Variants in PPP1R1C observed in about 807,000 individuals in gnomAD.
PPP1R1C encodes protein phosphatase 1 regulatory subunit 1C.
PPP1R1C carries 15 observed loss-of-function variants against 17.4 expected under a neutral mutation model. That is an observed-to-expected ratio of 0.86 (90% confidence interval 0.58 to 1.33). PPP1R1C has a LOEUF of 1.33. Among genes scored for constraint, PPP1R1C ranks in the 40% most tolerant of loss-of-function variants. PPP1R1C has a pLI of 0.00. For missense variants in PPP1R1C, 143 were observed against 130.0 expected, an observed-to-expected ratio of 1.10 and a Z score of -0.48; for synonymous variants, 35 against 43.1, an observed-to-expected ratio of 0.81 and a Z score of 0.73.
chr2:182,090,708 T>G (rs2125220556), intron 4 of PPP1R1C, among the ~76,000 whole-genome samples: 1 of 152,278 alleles, frequency 6.6e-6, no homozygotes, highest in East Asian at 1.9e-4. Context: ...TCAGAGAATA[T>G]TCCAGGTTTT....
chr2:182,110,400 A>G (rs1689381302), intron 4 of PPP1R1C, among the ~76,000 whole-genome samples: 2 of 152,202 alleles, frequency 1.3e-5, no homozygotes. Flanking sequence ...GGTGAAGACA[A>G]TATTATTCTA....
At chr2:182,080,987 T>A (rs1049514422) in intron 4 of PPP1R1C, among the ~76,000 whole-genome samples, 1 of 152,216 alleles carries the variant, frequency 6.6e-6, no homozygotes, top group Non-Finnish European at 1.5e-5. Flanking sequence ...GAAATACTAG[T>A]CATTAGATAT....
chr2:182,107,407 C>A (rs959760204), intron 4 of PPP1R1C, among the ~76,000 whole-genome samples: 2 of 152,108 alleles, frequency 1.3e-5, no homozygotes, highest in Non-Finnish European at 2.9e-5. Flanking sequence ...GCATTCTTGT[C>A]TGAGAGTCAT....
intron 1 of PPP1R1C, among the ~76,000 whole-genome samples, chr2:181,955,441 T>C (rs1684654638): frequency 6.6e-6 from 1 of 152,236 alleles, no homozygotes; most frequent in African/African-American, 2.4e-5. Context: ...TAATTATCGT[T>C]TCCCTTTTGA....
intron 2 of PPP1R1C, among the ~76,000 whole-genome samples, chr2:182,046,754 A>G (rs893177709): frequency 6.6e-6 from 1 of 151,830 alleles, no homozygotes; most frequent in Non-Finnish European, 1.5e-5. Flanking sequence ...AAAAAAAAAA[A>G]GAAAGAAATA....
chr2:182,020,512 C>G (rs1314240691), intron 2 of PPP1R1C, among the ~76,000 whole-genome samples: 2 of 152,070 alleles, frequency 1.3e-5, no homozygotes, highest in Non-Finnish European at 2.9e-5. Context: ...CCCTAGAGGC[C>G]CCTCACATTT....
Position 182,117,288 on chromosome 2 carries a change from A to G in PPP1R1C, c.323A>G (p.Asp108Gly), listed in dbSNP as rs753318381. The part of the protein sequence containing the change: ...EGTNEREEQR[D>G]H ...ACCAATGAAAGAGAGGAGCAGCGGG[A>G]CCATTAATTACTGGTCTGCAGCAAG... The change falls in exon 5 of 5, where the codon GAC becomes GGC. Residue 108 changes from aspartate to glycine, a missense_variant. Asp to Gly is a moderately conservative substitution (Grantham distance 94). Coordinates refer to ENST00000682840, the MANE Select transcript of PPP1R1C (RefSeq NM_001080545.3). The G allele has an allele frequency of 6.4e-7, 1 of 1,553,010 alleles. No homozygotes were observed. The highest frequency in any genetic ancestry group is 2.4e-5 in the East Asian group (1 of 41,356).
At chr2:182,127,164 G>T (rs78432019) in intron 5 of PPP1R1C, among the ~76,000 whole-genome samples, 5,049 of 152,078 alleles carry the variant, frequency 0.033, 238 homozygotes, top group Admixed American at 0.13. Context: ...CAGAAGTCCA[G>T]CTGAACTTTG....
rs1433281405 is a variant in PPP1R1C, at chr2:181,962,646, A to C, written n.111+8012A>C. On this transcript the variant is annotated intron_variant and non_coding_transcript_variant, in intron 1 of 5. Transcript: ENST00000464264. The surrounding 1 kb of genome is among the most constrained non-coding windows in gnomAD (Gnocchi z 6.0). ...GCAATAAATTAAAGACTTTATTTGA[A>C]TAATCTGGGTCCCACCCTCTAGCCT... Among the ~76,000 whole-genome samples the C allele has an allele frequency of 6.6e-6, 1 of 152,242 alleles. No individual in the cohort carries two copies. Among genetic ancestry groups the C allele is most frequent in the Non-Finnish European group, 1.5e-5 (1 of 68,044 alleles).
In PPP1R1C at chr2:181,967,633, TTTCC is replaced by T. The variant is rs1172184607; in HGVS notation, n.112-7572_112-7569del. Among the ~76,000 whole-genome samples the T allele has an allele frequency of 2.6e-5, 4 of 152,196 alleles. No homozygotes were observed. The highest frequency in any genetic ancestry group is 1.9e-4 in the East Asian group (1 of 5,184). On this transcript the variant is annotated intron_variant and non_coding_transcript_variant, in intron 1 of 5. Transcript: ENST00000464264. The surrounding 1 kb of genome is among the most constrained non-coding windows in gnomAD (Gnocchi z 5.5). The stretch of plus-strand genomic sequence containing the variant: ...AGTTTGTGTTTCTGTTGTTATCAAT[TTTCC>T]TTCCTTCCTTCCTCCCTCCCTCCCT...
intron 2 of PPP1R1C, among the ~76,000 whole-genome samples, chr2:182,038,803 TTCTAAGGA>T (rs1212645718): frequency 6.6e-6 from 1 of 152,234 alleles, no homozygotes; most frequent in East Asian, 1.9e-4. Flanking sequence ...TAGTGCTCAG[TTCTAAGGA>T]TCAGCTTTTA....
rs1057207932 is a variant in PPP1R1C at position 181,986,047 on chromosome 2, C to T, written c.-64C>T. 5.0e-5 allele frequency: 64 copies of T among 1,285,808 alleles called. No homozygotes were observed. In the East Asian group the frequency reaches 8.7e-4, roughly 18 times the overall value. 79.6% of individuals were successfully genotyped at this position (1,285,808 alleles called of 1,614,324 possible). A position where few individuals can be genotyped will look rare whatever the true frequency, so the allele number is the denominator to read the frequency against. On this transcript the variant is annotated 5_prime_UTR_variant, in exon 1 of 5. Transcript: ENST00000682840. ...GGAGTGTGTCTGAGGAAACACATCC[C>T]GGACACCACTTAGGGTTAGTCTTTC... is the stretch of plus-strand genomic sequence containing the variant.
intron 2 of PPP1R1C, among the ~76,000 whole-genome samples, chr2:181,996,968 G>A (rs1256490898): frequency 6.6e-6 from 1 of 152,144 alleles, no homozygotes; most frequent in East Asian, 1.9e-4. Flanking sequence ...GGTGGCTCAC[G>A]CCTGTAATTC....
intron 2 of PPP1R1C, among the ~76,000 whole-genome samples, chr2:182,023,448 C>A (rs1402094796): frequency 6.6e-6 from 1 of 150,440 alleles, no homozygotes; most frequent in East Asian, 2.0e-4. Flanking sequence ...AAAGACAATC[C>A]AACATAAGGA....
At position 182,049,332 on chromosome 2, in the gene PPP1R1C, C is replaced by CAAAA. The variant is rs3064024; in HGVS notation, c.143-12094_143-12091dup. Among the ~76,000 whole-genome samples the CAAAA allele has an allele frequency of 1.8e-3, 142 of 77,922 alleles. 2 individuals carry two copies. The highest frequency in any genetic ancestry group is 6.8e-3 in the Middle Eastern group (1 of 146). 51.1% of individuals were successfully genotyped at this position (77,922 alleles called of 152,430 possible). On this transcript the variant is annotated intron_variant, in intron 2 of 4. Coordinates refer to ENST00000682840, the MANE Select transcript of PPP1R1C (RefSeq NM_001080545.3). ...TGGGTAACAGAATGAGATTCCATCT[C>CAAAA]AAAAAAAAAAAAAAAAAAATCTCTC... is the stretch of plus-strand genomic sequence containing the variant.
chr2:181,970,078 C>T (rs1684976880), intron 1 of PPP1R1C, among the ~76,000 whole-genome samples: 1 of 151,556 alleles, frequency 6.6e-6, no homozygotes, highest in African/African-American at 2.4e-5. Context: ...TGAAAGGTCA[C>T]ATATCACATA....
intron 4 of PPP1R1C, among the ~76,000 whole-genome samples, chr2:182,088,642 G>A (rs1464228447): frequency 1.3e-5 from 2 of 152,138 alleles, no homozygotes; most frequent in African/African-American, 2.4e-5. Flanking sequence ...AGGCTAATGG[G>A]GGGTTTGGCA....
downstream of PPP1R1C, among the ~76,000 whole-genome samples, chr2:182,121,765 G>A (rs1689738781): frequency 6.6e-6 from 1 of 152,110 alleles, no homozygotes; most frequent in South Asian, 2.1e-4. Context: ...GCCTCCCAAA[G>A]TGCTGGGATT....
intron 2 of PPP1R1C, among the ~76,000 whole-genome samples, chr2:182,055,878 TA>T (rs1285739156): frequency 1.3e-5 from 2 of 152,214 alleles, no homozygotes; most frequent in East Asian, 3.8e-4. Context: ...GCAGCATTCC[TA>T]AAAAAGAATT....
Sources: gnomAD v4.1 joint callset for allele counts (sites outside exome capture counted in the v4.1 genomes callset) on GRCh38, gnomAD v4.1.1 for gene constraint, Gnocchi (gnomAD v3.1) non-coding constraint, MANE v1.5 for transcripts, NCBI Gene and HGNC (gene_info 2026-07-23, HGNC 2026-07-21) for gene names.